The following ZNF280D variants were observed in gnomAD, a reference collection of about 807,000 sequenced individuals.
ZNF280D encodes the protein zinc finger protein 280D, also known as suppressor of hairy wing homolog 4.
In ZNF280D, 39 loss-of-function variants were observed where a neutral mutation model predicts 94.7. That is an observed-to-expected ratio of 0.41 (90% CI 0.32 to 0.54). ZNF280D has a LOEUF of 0.54. Ranked by LOEUF, ZNF280D falls within the 20% of genes least tolerant of loss-of-function variation. ZNF280D has a pLI of 0.22. For synonymous variants in ZNF280D, 398 were observed against 377.6 expected, an observed-to-expected ratio of 1.05 and a Z score of -0.63; for missense variants, 1,090 against 1,149.3, an observed-to-expected ratio of 0.95 and a Z score of 0.75.
In ZNF280D at chr15:56,701,168, T is replaced by C. The variant is rs751714197; in HGVS notation, c.241+5A>G. 1.0e-5 allele frequency: 16 copies of C among 1,596,146 alleles called. No homozygotes were observed. The highest frequency in any genetic ancestry group is 5.1e-5 in the Admixed American group (3 of 59,364). ...TAAAATTAAAATAGTATAATAATACTGTACCTCGACTGAGTGCACCATTCT... is the reference window on the plus strand; with the variant it reads ...TAAAATTAAAATAGTATAATAATACCGTACCTCGACTGAGTGCACCATTCT... On this transcript the variant is annotated splice_donor_5th_base_variant and intron_variant, in intron 5 of 21. Coordinates refer to ENST00000267807, the MANE Select transcript of ZNF280D (RefSeq NM_017661.4).
chr15:56,720,582 C>A (rs181834646), intron 1 of ZNF280D, among the ~76,000 whole-genome samples: 1 of 152,262 alleles, frequency 6.6e-6, no homozygotes, highest in African/African-American at 2.4e-5. Flanking sequence ...TCACTTTACC[C>A]AGATCCATCA....
In ZNF280D at chr15:56,701,016, G is replaced by C. The variant is rs1220830623; in HGVS notation, c.298C>G (p.Pro100Ala). 7.4e-6 allele frequency: 12 copies of C among 1,613,958 alleles called. No homozygotes were observed. Among genetic ancestry groups the C allele is most frequent in the Non-Finnish European group, 9.3e-6 (11 of 1,179,858 alleles). The change falls in exon 6 of 22, where the codon CCA becomes GCA. Residue 100 changes from proline (P) to alanine (A), a missense_variant. Physicochemically the swap from Pro to Ala is conservative, Grantham distance 27. Coordinates refer to ENST00000267807, the MANE Select transcript of ZNF280D (RefSeq NM_017661.4). The stretch of plus-strand genomic sequence containing the variant: ...AAATTTATTGGTGAGGCAGGCACTG[G>C]ATTTGATGTTGGATTCGTGTAGTGT... The part of the protein sequence containing the change: ...SQHYTNPTSN[P>A]VPASPINFHP...
intron 19 of ZNF280D, among the ~76,000 whole-genome samples, chr15:56,651,513 C>A (rs142041155): frequency 1.4e-3 from 206 of 152,036 alleles, no homozygotes; most frequent in Non-Finnish European, 5.7e-4. Context: ...TTTAAGAATT[C>A]ATACTTTAAG....
chr15:56,689,399 G>A lies in ZNF280D; in HGVS notation c.571C>T (p.Pro191Ser), dbSNP rs545962406. The change falls in exon 8 of 22, where the codon CCT (proline) becomes TCT (serine). Residue 191 changes from proline (P) to serine (S), a missense_variant. Pro to Ser is a moderately conservative substitution (Grantham distance 74). Transcript: ENST00000267807. ...SEVNNVNPKK[P>S]KPSESVSGAN... is the part of the protein sequence containing the mutation. ...CCAGAAACACTTTCGCTGGGTTTAGGCTTCTTTGGATTAACATTATTTACT... is the reference window on the plus strand; with the variant it reads ...CCAGAAACACTTTCGCTGGGTTTAGACTTCTTTGGATTAACATTATTTACT... 6.2e-7 allele frequency: 1 copy of A among 1,604,506 alleles called. No individual in the cohort carries two copies. The highest frequency in any genetic ancestry group is 8.5e-7 in the Non-Finnish European group (1 of 1,175,260).
chr15:56,672,660 T>C (rs1479187774), intron 13 of ZNF280D, among the ~76,000 whole-genome samples: 2 of 151,850 alleles, frequency 1.3e-5, no homozygotes, highest in Admixed American at 1.3e-4. Flanking sequence ...TTTTTTTGTG[T>C]GTGTTTGTTT....
chr15:56,712,620 AG>A (rs1215754718), intron 1 of ZNF280D, among the ~76,000 whole-genome samples: 1 of 150,318 alleles, frequency 6.7e-6, no homozygotes, highest in Non-Finnish European at 1.5e-5. Flanking sequence ...AAAAAAGGAA[AG>A]AAAGAAAAGA....
chr15:56,695,077 TG>T (rs2056667165), intron 6 of ZNF280D, among the ~76,000 whole-genome samples: 2 of 152,134 alleles, frequency 1.3e-5, no homozygotes, highest in East Asian at 1.9e-4. Context: ...TGTGTGTGTG[TG>T]TGTGTGTGTG....
chr15:56,695,074 G>A (rs552479321), intron 6 of ZNF280D, among the ~76,000 whole-genome samples: 1 of 151,940 alleles, frequency 6.6e-6, no homozygotes, highest in African/African-American at 2.4e-5. Flanking sequence ...CTTTGTGTGT[G>A]TGTGTGTGTG....
intron 1 of ZNF280D, among the ~76,000 whole-genome samples, chr15:56,710,347 G>C (rs1261035011): frequency 6.6e-6 from 1 of 152,110 alleles, no homozygotes; most frequent in Admixed American, 6.5e-5. Flanking sequence ...GAGGGAGGTT[G>C]CAGTGAGCTG....
intron 1 of ZNF280D, among the ~76,000 whole-genome samples, chr15:56,714,801 C>T (rs2057949991): frequency 6.6e-6 from 1 of 152,050 alleles, no homozygotes; most frequent in African/African-American, 2.4e-5. Flanking sequence ...TCAGTCAAGA[C>T]TTTGAAAGGA....
intron 16 of ZNF280D, among the ~76,000 whole-genome samples, chr15:56,661,545 C>A (rs1359233179): frequency 6.6e-6 from 1 of 152,132 alleles, no homozygotes; most frequent in Non-Finnish European, 1.5e-5. Flanking sequence ...CTCTGTCGTA[C>A]CTACTGTGTA....
intron 13 of ZNF280D, among the ~76,000 whole-genome samples, chr15:56,669,943 T>TA (rs2054667506): frequency 2.0e-4 from 1 of 5,026 alleles, no homozygotes; most frequent in Admixed American, 7.6e-3. Context: ...ATATTATATA[T>TA]ATATATTATA....
chr15:56,667,320 G>A (rs4143730), intron 14 of ZNF280D, among the ~76,000 whole-genome samples: 150,899 of 152,196 alleles, frequency 0.99, 74,825 homozygotes, highest in Middle Eastern at 1. Context: ...AAATTCACAA[G>A]CATAGAGCTC....
intron 1 of ZNF280D, among the ~76,000 whole-genome samples, chr15:56,724,534 G>C (rs1338000419): frequency 6.6e-6 from 1 of 152,218 alleles, no homozygotes; most frequent in Non-Finnish European, 1.5e-5. Flanking sequence ...TGACGGTGAA[G>C]TGAGGGAAAA....
chr15:56,639,640 C>G (rs2052528468), intron 20 of ZNF280D, among the ~76,000 whole-genome samples: 9 of 152,044 alleles, frequency 5.9e-5, no homozygotes. Context: ...ATAGTAAAAA[C>G]AACATTTTAA....
rs137900958 is a variant in ZNF280D, at chr15:56,631,754, T to C, written c.2684A>G (p.Gln895Arg). The C allele has an allele frequency of 1.3e-3, 2,061 of 1,614,200 alleles. No homozygotes were observed. The highest frequency in any genetic ancestry group is 2.1e-3 in the Admixed American group (128 of 60,024). Reference sequence around the variant, plus strand: ...AGGTTCATGTCTTTTTCTCAAAAACTGATCAATGCTTACATTATCTGATGC... The same window carrying C: ...AGGTTCATGTCTTTTTCTCAAAAACCGATCAATGCTTACATTATCTGATGC... ...RLASDNVSID[Q>R]FLRKRHEPES... Residue 895 changes from glutamine (Q) to arginine (R), a missense_variant, in exon 22 of 22, where the codon CAG becomes CGG. This residue lies in a region of ZNF280D where 577 missense variants were observed against 568.8 expected (regional missense o/e 1.01). Coordinates refer to ENST00000267807, the MANE Select transcript of ZNF280D (RefSeq NM_017661.4).
At position 56,631,281 on chromosome 15, in the gene ZNF280D, C is replaced by A. The variant is rs1596308970; in HGVS notation, c.*217G>T. On this transcript the variant is annotated 3_prime_UTR_variant, in exon 22 of 22. Transcript: ENST00000267807. ...ATTTAATTATCATTAAAATCCTGTT[C>A]GTGTTTTTAAAAACTTTTTGGGAAT... The A allele has an allele frequency of 6.4e-6, 3 of 468,742 alleles. No individual in the cohort carries two copies. The South Asian group carries it at 1.3e-4, about 20-fold the overall frequency. The allele number at this position is 468,742 out of a possible 1,614,324, so 29.0% of individuals were successfully genotyped here.
chr15:56,684,767 A>G (rs973106994), intron 9 of ZNF280D, among the ~76,000 whole-genome samples: 4 of 152,200 alleles, frequency 2.6e-5, no homozygotes, highest in Non-Finnish European at 5.9e-5. Context: ...TGTCAGGGAA[A>G]GAAGATAAAA....
rs1168647133 is a variant in ZNF280D at position 56,689,165 on chromosome 15, G to A, written c.671-15C>T. ...GGTATTTGTACCTAAAATAAATTCA[G>A]AACATTTATGACTCAAAATTCATCA... On this transcript the variant is annotated splice_polypyrimidine_tract_variant and intron_variant, in intron 8 of 21. Transcript: ENST00000267807. 6.3e-7 allele frequency: 1 copy of A among 1,590,768 alleles called. No individual in the cohort carries two copies. Among genetic ancestry groups the A allele is most frequent in the South Asian group, 1.1e-5 (1 of 87,062 alleles).
Sources: gnomAD v4.1 joint callset for allele counts (sites outside exome capture counted in the v4.1 genomes callset) on GRCh38, gnomAD v4.1.1 for gene constraint, gnomAD v4.1.1 regional missense constraint, MANE v1.5 for transcripts, NCBI Gene and HGNC (gene_info 2026-07-23, HGNC 2026-07-21) for gene names.